The following LRP1B variants were observed in gnomAD, a reference collection of about 807,000 sequenced individuals.
The protein encoded by LRP1B is low-density lipoprotein receptor-related protein 1B.
A neutral mutation model predicts 556.6 loss-of-function variants in LRP1B; 217 were observed. The observed-to-expected ratio is 0.39, with a 90% confidence interval of 0.35 to 0.44. LRP1B has a LOEUF of 0.44. Among genes scored for constraint, LRP1B ranks in the 20% least tolerant of loss-of-function variants. The probability of loss-of-function intolerance (pLI) is 1.00; values close to 1 mark genes in which losing one functional copy is unlikely to be tolerated. For missense variants in LRP1B, 5,053 were observed against 5,620.8 expected, an observed-to-expected ratio of 0.90 and a Z score of 3.23; for synonymous variants, 2,047 against 1,865.8, an observed-to-expected ratio of 1.10 and a Z score of -2.50.
chr2:141,966,174 A>G (rs1326762139), intron 1 of LRP1B, among the ~76,000 whole-genome samples: 1 of 151,934 alleles, frequency 6.6e-6, no homozygotes, highest in Non-Finnish European at 1.5e-5. Context: ...TTGAGCACCT[A>G]TGGCATACAG....
intron 12 of LRP1B, among the ~76,000 whole-genome samples, chr2:141,017,735 C>T (rs1697947410): frequency 6.6e-6 from 1 of 151,732 alleles, no homozygotes; most frequent in African/African-American, 2.4e-5. Context: ...TGGCTCATGC[C>T]TGTAATCCCA....
intron 63 of LRP1B, among the ~76,000 whole-genome samples, chr2:140,449,318 T>G (rs1369753751): frequency 6.6e-6 from 1 of 152,128 alleles, no homozygotes; most frequent in Non-Finnish European, 1.5e-5. Context: ...GTAATAACTT[T>G]CTCTTAATAA....
chr2:141,972,192 G>A (rs967889792), intron 1 of LRP1B, among the ~76,000 whole-genome samples: 9 of 151,300 alleles, frequency 5.9e-5, no homozygotes, highest in South Asian at 2.1e-4. Flanking sequence ...AAATGCATGC[G>A]ACAGTCACCA....
intron 1 of LRP1B, among the ~76,000 whole-genome samples, chr2:141,904,092 A>T (rs1345872166): frequency 6.6e-6 from 1 of 151,988 alleles, no homozygotes; most frequent in Non-Finnish European, 1.5e-5. Flanking sequence ...ATTTTATGCC[A>T]AGTGAAATAA....
chr2:141,020,813 G>C (rs7564888), intron 11 of LRP1B, among the ~76,000 whole-genome samples: 2,168 of 151,920 alleles, frequency 0.014, 54 homozygotes, highest in African/African-American at 0.048. Context: ...TTATAAAGGG[G>C]GGGTAACTAA....
intron 89 of LRP1B, among the ~76,000 whole-genome samples, chr2:140,236,870 TCAACA>T (rs1680727804): frequency 2.0e-5 from 3 of 151,016 alleles, no homozygotes; most frequent in African/African-American, 7.3e-5. Flanking sequence ...TGCTAATACC[TCAACA>T]CATTTGATTA....
At chr2:141,929,757 A>G (rs1254613885) in intron 1 of LRP1B, among the ~76,000 whole-genome samples, 1 of 151,954 alleles carries the variant, frequency 6.6e-6, no homozygotes, top group Non-Finnish European at 1.5e-5. Flanking sequence ...TGTCATCTAA[A>G]TATGTGAAAA....
Position 140,255,932 on chromosome 2 carries a change from T to C in LRP1B, c.13248-8770A>G, listed in dbSNP as rs1294707468. Among the ~76,000 whole-genome samples the C allele has an allele frequency of 3.3e-5, 5 of 152,298 alleles. No homozygotes were observed. The East Asian group carries it at 9.7e-4, about 29-fold the overall frequency. ...TTTCATTCACTTATTCTTTAATTCA[T>C]TAATTCTTCCATTTCTAAATGAGAT... On this transcript the variant is annotated intron_variant, in intron 86 of 90. Transcript: ENST00000389484.
At chr2:141,368,158 A>G (rs951625897) in intron 3 of LRP1B, among the ~76,000 whole-genome samples, 1 of 152,228 alleles carries the variant, frequency 6.6e-6, no homozygotes, top group Non-Finnish European at 1.5e-5. Context: ...ATTTAATGTA[A>G]TATAAAATTC....
At chr2:141,148,029 A>G (rs1035748460) in intron 7 of LRP1B, among the ~76,000 whole-genome samples, 9 of 152,182 alleles carry the variant, frequency 5.9e-5, no homozygotes, top group Middle Eastern at 3.4e-3. Flanking sequence ...GTGTAAGTAC[A>G]CTCTATGATG....
chr2:140,797,149 T>C (rs1690344924), intron 32 of LRP1B, among the ~76,000 whole-genome samples: 1 of 152,004 alleles, frequency 6.6e-6, no homozygotes, highest in Non-Finnish European at 1.5e-5. Flanking sequence ...TCTCAAGCAT[T>C]ATAGTCCATA....
At chr2:141,044,407 A>G (rs1243326072) in intron 11 of LRP1B, among the ~76,000 whole-genome samples, 1 of 151,816 alleles carries the variant, frequency 6.6e-6, no homozygotes, top group Non-Finnish European at 1.5e-5. Context: ...AACAAAAGAC[A>G]AAATTGACAA....
At chr2:140,549,015 AC>A (rs1680449050) in intron 43 of LRP1B, among the ~76,000 whole-genome samples, 3 of 152,028 alleles carry the variant, frequency 2.0e-5, no homozygotes, top group Admixed American at 6.6e-5. Context: ...ATTTCCCAAA[AC>A]CCTGCCACAT....
intron 43 of LRP1B, among the ~76,000 whole-genome samples, chr2:140,593,967 C>T (rs1240302545): frequency 6.6e-6 from 1 of 151,504 alleles, no homozygotes; most frequent in African/African-American, 2.4e-5. Flanking sequence ...AACACATGCC[C>T]ATGACACATC....
At position 140,923,085 on chromosome 2, in the gene LRP1B, C is replaced by A. The variant is rs745676943; in HGVS notation, c.3199G>T (p.Val1067Phe). The A allele has an allele frequency of 1.2e-6, 2 of 1,612,906 alleles. No homozygotes were observed. The highest frequency in any genetic ancestry group is 1.1e-5 in the South Asian group (1 of 91,004). Residue 1067 changes from valine to phenylalanine, a missense_variant, in exon 21 of 91, where the codon GTT (valine) becomes TTT (phenylalanine). Physicochemically the swap from Val to Phe is conservative, Grantham distance 50. This residue lies in a region of LRP1B where 3,619 missense variants were observed against 3,931.9 expected (regional missense o/e 0.92). Transcript: ENST00000389484. ...EFQCHPDGNC[V>F]PDLWRCDGEK... Reference sequence around the variant, plus strand: ...CCATCACAGCGCCACAAATCAGGAACGCAATTACCATCAGGGTGGCACTGA... The same window carrying A: ...CCATCACAGCGCCACAAATCAGGAAAGCAATTACCATCAGGGTGGCACTGA...
chr2:140,952,434 A>G (rs1235027383), intron 18 of LRP1B, among the ~76,000 whole-genome samples: 1 of 152,180 alleles, frequency 6.6e-6, no homozygotes, highest in Non-Finnish European at 1.5e-5. Context: ...AATAAACACA[A>G]TAAAATCATT....
intron 2 of LRP1B, among the ~76,000 whole-genome samples, chr2:141,566,179 T>C (rs1422116171): frequency 6.7e-6 from 1 of 148,232 alleles, no homozygotes; most frequent in Non-Finnish European, 1.5e-5. Flanking sequence ...AAAAAAGAAC[T>C]AGCAAGGTGA....
intron 32 of LRP1B, among the ~76,000 whole-genome samples, chr2:140,787,928 C>T (rs76296471): frequency 0.047 from 7,102 of 152,100 alleles, 191 homozygotes; most frequent in Non-Finnish European, 0.049. Context: ...ATTATTTTAT[C>T]TTCCACTCAT....
At chr2:140,925,102 T>C (rs1350233665) in intron 20 of LRP1B, among the ~76,000 whole-genome samples, 1 of 152,106 alleles carries the variant, frequency 6.6e-6, no homozygotes, top group African/African-American at 2.4e-5. Context: ...AAGTATATTA[T>C]GGGAGGATGT....
Sources: allele counts gnomAD v4.1 joint callset (sites outside exome capture counted in the v4.1 genomes callset), GRCh38; gene constraint gnomAD v4.1.1; regional missense constraint gnomAD v4.1.1; transcripts MANE v1.5; gene names NCBI Gene and HGNC (gene_info 2026-07-23, HGNC 2026-07-21).